MKX: variants seen among roughly 807,000 people sequenced by gnomAD.
The protein encoded by MKX is homeobox protein Mohawk.
Under a neutral mutation model 36.0 loss-of-function variants are expected in MKX, and 13 were observed. The observed-to-expected ratio is 0.36, with a 90% CI of 0.24 to 0.57. The LOEUF (loss-of-function observed/expected upper bound fraction) is 0.57, where lower values mean the gene tolerates loss of function less well. MKX is among the 20% of genes least tolerant of loss of function. MKX has a pLI of 0.79. For missense variants in MKX, 458 were observed against 456.4 expected (o/e 1.00, Z -0.03); for synonymous variants, 176 against 178.3 (o/e 0.99, Z 0.10).
At chr10:27,709,408 G>A (rs1836814435) in intron 5 of MKX, among the ~76,000 whole-genome samples, 1 of 152,152 alleles carries the variant, frequency 6.6e-6, no homozygotes, top group African/African-American at 2.4e-5. Flanking sequence ...TTTTGGTATT[G>A]GTGGCAGAAG....
intron 5 of MKX, among the ~76,000 whole-genome samples, chr10:27,712,014 C>T (rs1453600034): frequency 6.6e-6 from 1 of 152,102 alleles, no homozygotes; most frequent in African/African-American, 2.4e-5. Context: ...CCATACCAAC[C>T]TCTGCTTCTA....
chr10:27,727,220 T>A (rs939821158), intron 5 of MKX, among the ~76,000 whole-genome samples: 2 of 152,220 alleles, frequency 1.3e-5, no homozygotes, highest in African/African-American at 4.8e-5. Flanking sequence ...TACTTTCGAT[T>A]TGTTTATAAG....
At position 27,734,632 on chromosome 10, in the gene MKX, C is replaced by T; in HGVS notation, c.662G>A (p.Ser221Asn). ...DYVAPPKYKS[S>N]LLNRYLNDSL... ...GTCATTAAGGTAACGGTTCAACAAG[C>T]TGCTCTTGTATTTGGGGGGTGCCAC... The change falls in exon 5 of 7, where the codon AGC becomes AAC. Residue 221 changes from serine (S) to asparagine (N), a missense_variant. By Grantham distance (46) the Ser-to-Asn change is conservative. Around this residue, in one of 3 missense-constraint regions of MKX, gnomAD observed 297 missense variants for 304.4 expected, o/e 0.98. Transcript: ENST00000419761. 1 of 1,614,172 alleles carries T rather than the reference C, an allele frequency of 6.2e-7. No homozygotes were observed. Among genetic ancestry groups the T allele is most frequent in the Non-Finnish European group, 8.5e-7 (1 of 1,180,034 alleles).
At chr10:27,711,782 C>T (rs189071726) in intron 5 of MKX, among the ~76,000 whole-genome samples, 2 of 149,594 alleles carry the variant, frequency 1.3e-5, no homozygotes, top group East Asian at 2.0e-4. Context: ...AATGGGGTCT[C>T]GGTATGTTGC....
intron 5 of MKX, among the ~76,000 whole-genome samples, chr10:27,723,914 G>A (rs1834432032): frequency 6.6e-6 from 1 of 152,158 alleles, no homozygotes; most frequent in South Asian, 2.1e-4. Flanking sequence ...AGGACTATCA[G>A]TTCTTAATAC....
intron 3 of MKX, among the ~76,000 whole-genome samples, chr10:27,739,291 T>C (rs571646365): frequency 1.3e-5 from 2 of 152,212 alleles, no homozygotes; most frequent in East Asian, 1.9e-4. Context: ...GGTAATTCTA[T>C]ACATTTTTAT....
At chr10:27,719,865 G>A (rs1225118777) in intron 5 of MKX, among the ~76,000 whole-genome samples, 1 of 151,656 alleles carries the variant, frequency 6.6e-6, no homozygotes. Context: ...GCACATGCCT[G>A]TAATCCCAGC....
intron 5 of MKX, among the ~76,000 whole-genome samples, chr10:27,720,469 A>T (rs906172427): frequency 1.3e-5 from 2 of 152,300 alleles, no homozygotes; most frequent in East Asian, 3.9e-4. Context: ...TTCAAGGATG[A>T]TTAAGCATTA....
At chr10:27,702,376 G>T (rs1384783505) in intron 5 of MKX, among the ~76,000 whole-genome samples, 1 of 152,182 alleles carries the variant, frequency 6.6e-6, no homozygotes, top group Non-Finnish European at 1.5e-5. Context: ...GGTGCAGGGT[G>T]GGGGCAGTTG....
intron 5 of MKX, among the ~76,000 whole-genome samples, chr10:27,683,220 T>C (rs1196066244): frequency 6.6e-6 from 1 of 152,216 alleles, no homozygotes; most frequent in Non-Finnish European, 1.5e-5. Flanking sequence ...GGGGGGCCCC[T>C]GTTTTATACC....
rs1178157677 is a variant in MKX, at chr10:27,744,338, C to G, written c.-82-841G>C. 1.3e-5 allele frequency among the ~76,000 whole-genome samples: 2 copies of G among 152,168 alleles called. No individual in the cohort carries two copies. The highest frequency in any genetic ancestry group is 6.5e-5 in the Admixed American group (1 of 15,286). On this transcript the variant is annotated intron_variant, in intron 1 of 6. Coordinates refer to ENST00000419761, the MANE Select transcript of MKX (RefSeq NM_173576.3). The surrounding 1 kb of genome is among the most constrained non-coding windows in gnomAD (Gnocchi z 5.6). ...TCGTAGCCCCTCGACACCCGCCTCT[C>G]TCTGGGGTCTCCGGGGACCCTTTCA...
chr10:27,689,463 AT>A (rs1163371456), intron 5 of MKX, among the ~76,000 whole-genome samples: 1 of 152,174 alleles, frequency 6.6e-6, no homozygotes, highest in Non-Finnish European at 1.5e-5. Context: ...AGGTTCTGCA[AT>A]TTTCTGCTTT....
At chr10:27,698,578 C>T (rs951898095) in intron 5 of MKX, among the ~76,000 whole-genome samples, 1 of 152,106 alleles carries the variant, frequency 6.6e-6, no homozygotes, top group African/African-American at 2.4e-5. Context: ...TCGGCAACGG[C>T]ATTGTCTGAG....
At chr10:27,680,952 A>G (rs1259878842) in intron 5 of MKX, among the ~76,000 whole-genome samples, 1 of 152,230 alleles carries the variant, frequency 6.6e-6, no homozygotes, top group Non-Finnish European at 1.5e-5. Context: ...TTGAGTGGGA[A>G]GAGGAAGCCA....
At position 27,675,412 on chromosome 10, in the gene MKX, T is replaced by C. The variant is rs771154904; in HGVS notation, c.876A>G (p.Ala292=). The change falls in exon 7 of 7, where the codon GCA becomes GCG. Residue 292 remains alanine (A), a synonymous_variant. Coordinates refer to ENST00000419761, the MANE Select transcript of MKX (RefSeq NM_173576.3). ...LENGSNKGES[A]ANRKGPSKDD... ...CCTTGCTTGGTCCTTTTCTGTTAGC[T>C]GCGCTGGAGTTAAGCAAAACAGAAA... 4 of 1,614,158 alleles carry C rather than the reference T, an allele frequency of 2.5e-6. No homozygotes were observed. Among genetic ancestry groups the C allele is most frequent in the Non-Finnish European group, 3.4e-6 (4 of 1,180,026 alleles).
Position 27,741,462 on chromosome 10 carries a change from G to T in MKX, c.231C>A (p.Ala77=). The change falls in exon 3 of 7, where the codon GCC becomes GCA. Residue 77 remains alanine (A), a synonymous_variant. Transcript: ENST00000419761. This position sits in a 1 kb window ranked among gnomAD's most constrained non-coding sequence, Gnocchi z 5.1. ...TGAGGGGTCGCGCCATGTCTTGCAG[G>T]GCCTGCCGCTTGTGCCTCACCTTCC... The part of the protein sequence containing the change: ...NGGKVRHKRQ[A]LQDMARPLKQ... The T allele has an allele frequency of 1.2e-6, 2 of 1,608,976 alleles. No homozygotes were observed. The highest frequency in any genetic ancestry group is 1.7e-6 in the Non-Finnish European group (2 of 1,178,274).
At chr10:27,731,991 ATT>A (rs3063021) in intron 5 of MKX, among the ~76,000 whole-genome samples, 102,633 of 151,984 alleles carry the variant, frequency 0.68, 36,825 homozygotes, top group Non-Finnish European at 0.81. Context: ...TGTATTTGTC[ATT>A]TTTTTTTATT....
rs778944448 is a variant in MKX, at chr10:27,742,624, C to A, written c.188+604G>T. Among the ~76,000 whole-genome samples the A allele has an allele frequency of 1.3e-4, 19 of 151,976 alleles. No individual in the cohort carries two copies. In the East Asian group the frequency reaches 2.7e-3, roughly 22 times the overall value. ...GCCCACCCGCAAGCTACCGCCCCCC[C>A]CAGCATACCCCTCACCCCGCTAAAC... On this transcript the variant is annotated intron_variant, in intron 2 of 6. Coordinates refer to ENST00000419761, the MANE Select transcript of MKX (RefSeq NM_173576.3). The surrounding 1 kb of genome is among the most constrained non-coding windows in gnomAD (Gnocchi z 4.2).
chr10:27,675,878 G>T (rs1204319036), intron 5 of MKX, among the ~76,000 whole-genome samples: 1 of 152,186 alleles, frequency 6.6e-6, no homozygotes, highest in Non-Finnish European at 1.5e-5. Flanking sequence ...TGTACCTGGG[G>T]CCAGGTTCTG....
Sources: allele counts gnomAD v4.1 joint callset (sites outside exome capture counted in the v4.1 genomes callset), GRCh38; gene constraint gnomAD v4.1.1; regional missense constraint gnomAD v4.1.1; non-coding constraint Gnocchi (gnomAD v3.1); transcripts MANE v1.5; gene names NCBI Gene and HGNC (gene_info 2026-07-23, HGNC 2026-07-21).